IGF2BP3: variants seen among roughly 807,000 people sequenced by gnomAD.
IGF2BP3 encodes the protein insulin like growth factor 2 mRNA binding protein 3.
Under a neutral mutation model 73.8 loss-of-function variants are expected in IGF2BP3, and 9 were observed. The observed-to-expected ratio is 0.12, with a 90% CI of 0.07 to 0.21. The LOEUF is 0.21. Ranked by LOEUF, IGF2BP3 falls within the 10% of genes least tolerant of loss-of-function variation. IGF2BP3 has a pLI of 1.00. For synonymous variants in IGF2BP3, 258 were observed against 256.7 expected (o/e 1.01, Z -0.05); for missense variants, 542 against 714.0 (o/e 0.76, Z 2.75).
intron 3 of IGF2BP3, among the ~76,000 whole-genome samples, chr7:23,409,577 C>G (rs531404196): frequency 1.3e-5 from 2 of 152,270 alleles, no homozygotes; most frequent in African/African-American, 4.8e-5. Flanking sequence ...AGTCCAGAAA[C>G]AGACCCACAC....
At chr7:23,427,257 T>C (rs779056509) in intron 2 of IGF2BP3, among the ~76,000 whole-genome samples, 24 of 152,126 alleles carry the variant, frequency 1.6e-4, no homozygotes, top group Non-Finnish European at 3.2e-4. Context: ...GAAGCTCCAA[T>C]TTTTCAGATA....
chr7:23,456,659 T>C (rs1390443417), intron 2 of IGF2BP3, among the ~76,000 whole-genome samples: 1 of 152,244 alleles, frequency 6.6e-6, no homozygotes, highest in Non-Finnish European at 1.5e-5. Context: ...TCCTCCATGT[T>C]TGATGAGACA....
rs1292530370 is a variant in IGF2BP3, at chr7:23,392,520, AC to A, written c.285+26255del. Among the ~76,000 whole-genome samples, 3 of 150,604 alleles carry A rather than the reference AC, an allele frequency of 2.0e-5. No individual in the cohort carries two copies. In the East Asian group the frequency reaches 5.8e-4, roughly 29 times the overall value. On this transcript the variant is annotated intron_variant, in intron 3 of 14. Coordinates refer to ENST00000258729, the MANE Select transcript of IGF2BP3 (RefSeq NM_006547.3). ...CACACATATGCACATATATATACAC[AC>A]ACACATACACACACACACACAAATA...
intron 10 of IGF2BP3, among the ~76,000 whole-genome samples, chr7:23,329,287 A>T (rs770082375): frequency 1.3e-5 from 2 of 152,284 alleles, no homozygotes; most frequent in Non-Finnish European, 2.9e-5. Context: ...CTTAACTTGG[A>T]TATCTTTTTT....
intron 5 of IGF2BP3, among the ~76,000 whole-genome samples, chr7:23,354,231 G>A (rs1416807425): frequency 3.9e-5 from 6 of 152,174 alleles, no homozygotes; most frequent in African/African-American, 1.4e-4. Context: ...GACCTCAGGT[G>A]ATCCACCCAC....
chr7:23,347,477 T>C, intron 7 of IGF2BP3, 123 bp downstream of exon 7: 3 of 984,304 alleles, frequency 3.0e-6, no homozygotes, highest in South Asian at 3.1e-5. Flanking sequence ...TGCCAACCAC[T>C]GTAGCTCATC....
At chr7:23,370,669 T>C (rs1424164051) in intron 3 of IGF2BP3, among the ~76,000 whole-genome samples, 1 of 150,246 alleles carries the variant, frequency 6.7e-6, no homozygotes, top group Non-Finnish European at 1.5e-5. Flanking sequence ...AGTTCTAGGT[T>C]TTTTGGTTTT....
At chr7:23,361,843 A>G in intron 3 of IGF2BP3, 102 bp from the exon 4 acceptor site, 1 of 1,007,416 alleles carries the variant, frequency 9.9e-7, no homozygotes, top group Non-Finnish European at 1.5e-6. Context: ...GATGGAAAAG[A>G]GCCAAAAAAT....
chr7:23,440,905 T>C (rs949442023), intron 2 of IGF2BP3, among the ~76,000 whole-genome samples: 1 of 152,254 alleles, frequency 6.6e-6, no homozygotes, highest in Non-Finnish European at 1.5e-5. Context: ...GCATTTGGGA[T>C]TCTGAATCCC....
chr7:23,383,053 C>T (rs533040604), intron 3 of IGF2BP3, among the ~76,000 whole-genome samples: 12 of 151,978 alleles, frequency 7.9e-5, no homozygotes, highest in South Asian at 2.1e-4. Flanking sequence ...GGTGACAGAG[C>T]GAGACTCTGT....
At chr7:23,441,210 T>G (rs1787923795) in intron 2 of IGF2BP3, among the ~76,000 whole-genome samples, 1 of 152,072 alleles carries the variant, frequency 6.6e-6, no homozygotes, top group African/African-American at 2.4e-5. Flanking sequence ...GGTGGAAGGA[T>G]CGCTTGAGGC....
At chr7:23,449,542 CTTTTT>C (rs1386496883) in intron 2 of IGF2BP3, among the ~76,000 whole-genome samples, 1 of 122,528 alleles carries the variant, frequency 8.2e-6, no homozygotes, top group Non-Finnish European at 1.8e-5. Flanking sequence ...ATTTTTTTTC[CTTTTT>C]CTTTTTCTTT....
chr7:23,361,316 C>A (rs192653076), intron 5 of IGF2BP3: 11 of 483,220 alleles, frequency 2.3e-5, no homozygotes, highest in East Asian at 1.1e-4. Flanking sequence ...CTATTATTGG[C>A]ATTAAAGATA....
intron 2 of IGF2BP3, among the ~76,000 whole-genome samples, chr7:23,434,194 T>G (rs928914357): frequency 6.6e-6 from 1 of 152,214 alleles, no homozygotes; most frequent in African/African-American, 2.4e-5. Flanking sequence ...GTTTTAAGAT[T>G]ACTAAACTTT....
chr7:23,319,851 G>C (rs1395526516), intron 10 of IGF2BP3, among the ~76,000 whole-genome samples: 1 of 152,130 alleles, frequency 6.6e-6, no homozygotes, highest in African/African-American at 2.4e-5. Flanking sequence ...ATTCACTTTA[G>C]TGGTAAGATG....
intron 3 of IGF2BP3, among the ~76,000 whole-genome samples, chr7:23,399,641 A>G (rs1160835543): frequency 1.3e-5 from 2 of 152,194 alleles, no homozygotes; most frequent in African/African-American, 4.8e-5. Context: ...TTGTTACAGC[A>G]GCATAGGAAA....
intron 2 of IGF2BP3, among the ~76,000 whole-genome samples, chr7:23,459,688 G>A (rs746562207): frequency 9.2e-5 from 14 of 152,002 alleles, no homozygotes; most frequent in Non-Finnish European, 1.9e-4. Context: ...AAAATTAGCT[G>A]GGTGTGGTGG....
intron 2 of IGF2BP3, among the ~76,000 whole-genome samples, chr7:23,430,446 T>C (rs1458318392): frequency 1.3e-5 from 2 of 152,220 alleles, no homozygotes; most frequent in African/African-American, 4.8e-5. Flanking sequence ...AAGCCAAGCC[T>C]TATGGCTCAA....
intron 2 of IGF2BP3, among the ~76,000 whole-genome samples, chr7:23,433,088 T>C (rs558983959): frequency 6.6e-6 from 1 of 152,210 alleles, no homozygotes; most frequent in Non-Finnish European, 1.5e-5. Context: ...ATATAGTAAA[T>C]TGTACTTATC....
Sources: allele counts gnomAD v4.1 joint callset (sites outside exome capture counted in the v4.1 genomes callset), GRCh38; gene constraint gnomAD v4.1.1; transcripts MANE v1.5; gene names NCBI Gene and HGNC (gene_info 2026-07-23, HGNC 2026-07-21).